The following FGF12 variants were observed in gnomAD, a reference collection of about 807,000 sequenced individuals.
FGF12 encodes fibroblast growth factor 12B.
FGF12 carries 14 observed loss-of-function variants against 23.6 expected under a neutral mutation model. That is an observed-to-expected ratio of 0.59 (90% CI 0.39 to 0.93). FGF12 has a LOEUF of 0.93. Among genes scored for constraint, FGF12 ranks in the 40% least tolerant of loss-of-function variants. FGF12 has a pLI of 0.00. For missense variants in FGF12, 175 were observed against 217.8 expected (o/e 0.80, Z 1.24); for synonymous variants, 62 against 77.3 (o/e 0.80, Z 1.04).
chr3:192,216,584 A>T (rs557692804), intron 4 of FGF12, among the ~76,000 whole-genome samples: 2 of 152,334 alleles, frequency 1.3e-5, no homozygotes, highest in South Asian at 4.1e-4. Flanking sequence ...ATAATCAGAA[A>T]CTTCTATAAA....
At chr3:192,616,557 C>A (rs1337556536) in intron 2 of FGF12, among the ~76,000 whole-genome samples, 1 of 151,736 alleles carries the variant, frequency 6.6e-6, no homozygotes, top group Admixed American at 6.6e-5. Context: ...GAGTTCTCAG[C>A]ATAAGTGCTG....
In FGF12 at chr3:192,221,365, A is replaced by G. The variant is rs150314723; in HGVS notation, c.229-50709T>C. On this transcript the variant is annotated intron_variant, in intron 4 of 5. Coordinates refer to ENST00000445105, the MANE Select transcript of FGF12 (RefSeq NM_004113.6). ...ATCTGACAGATCAGCCAATGGAAAA[A>G]TGGTAACTAGGTTAAAATGCTATGC... 3.0e-3 allele frequency among the ~76,000 whole-genome samples: 451 copies of G among 152,298 alleles called. 3 individuals are homozygous for G. Among genetic ancestry groups the G allele is most frequent in the Middle Eastern group, 0.017 (5 of 294 alleles).
chr3:192,524,010 A>G (rs756883999), intron 2 of FGF12, among the ~76,000 whole-genome samples: 22 of 152,204 alleles, frequency 1.4e-4, no homozygotes, highest in Non-Finnish European at 2.9e-5. Context: ...AAATTTTAAC[A>G]TAAGTCAACT....
chr3:192,191,508 C>G (rs1263552641), intron 4 of FGF12, among the ~76,000 whole-genome samples: 1 of 151,984 alleles, frequency 6.6e-6, no homozygotes, highest in Admixed American at 6.6e-5. Flanking sequence ...GTAACTTTTT[C>G]TCCATTTTTC....
chr3:192,408,714 T>C lies in FGF12; in HGVS notation c.14-48176A>G. The stretch of plus-strand genomic sequence containing the variant: ...GAAAACCCGTTTACAAAGCAGAGTC[T>C]GGACCCAGGCGGGTAGCGCGCCCCC... On this transcript the variant is annotated intron_variant, in intron 2 of 5. Transcript: ENST00000445105. This position sits in a 1 kb window ranked among gnomAD's most constrained non-coding sequence, Gnocchi z 7.3. 1 of 987,606 alleles carries C rather than the reference T, an allele frequency of 1.0e-6. No individual in the cohort carries two copies. Among genetic ancestry groups the C allele is most frequent in the Non-Finnish European group, 1.2e-6 (1 of 831,560 alleles). 61.2% of individuals were successfully genotyped at this position (987,606 alleles called of 1,614,324 possible).
chr3:192,410,412 C>T (rs1488597105), intron 2 of FGF12, among the ~76,000 whole-genome samples: 1 of 152,106 alleles, frequency 6.6e-6, no homozygotes, highest in African/African-American at 2.4e-5. Flanking sequence ...CCGTCCGGTC[C>T]CTCCCACAAG....
At chr3:192,652,824 C>A (rs1716262649) in intron 2 of FGF12, among the ~76,000 whole-genome samples, 1 of 152,198 alleles carries the variant, frequency 6.6e-6, no homozygotes, top group African/African-American at 2.4e-5. Context: ...GAATTACCAA[C>A]ACACTCCTGA....
intron 2 of FGF12, among the ~76,000 whole-genome samples, chr3:192,621,334 T>TTACAAAATTTTACAAAAG (rs1714967926): frequency 6.6e-6 from 1 of 152,212 alleles, no homozygotes; most frequent in Non-Finnish European, 1.5e-5. Flanking sequence ...AAAGTTACTG[T>TTACAAAATTTTACAAAAG]GTGAAATTAA....
At chr3:192,191,630 T>G (rs1716795774) in intron 4 of FGF12, among the ~76,000 whole-genome samples, 1 of 152,118 alleles carries the variant, frequency 6.6e-6, no homozygotes, top group Non-Finnish European at 1.5e-5. Context: ...GGTCAAGAGA[T>G]GGAGACCATC....
intron 2 of FGF12, among the ~76,000 whole-genome samples, chr3:192,468,592 T>C (rs1161570247): frequency 6.6e-6 from 1 of 152,238 alleles, no homozygotes; most frequent in African/African-American, 2.4e-5. Context: ...GTGTCCTTCT[T>C]AGACATCATA....
At chr3:192,707,056 C>T (rs1021136344) in intron 2 of FGF12, among the ~76,000 whole-genome samples, 3 of 152,104 alleles carry the variant, frequency 2.0e-5, no homozygotes, top group Admixed American at 6.5e-5. Context: ...CAAGAAAGGC[C>T]TTCATTACCC....
intron 2 of FGF12, among the ~76,000 whole-genome samples, chr3:192,625,012 T>C (rs1042946545): frequency 3.0e-4 from 45 of 152,138 alleles, no homozygotes; most frequent in Non-Finnish European, 1.3e-4. Flanking sequence ...AAATAGTCCA[T>C]ATAGCACATT....
At chr3:192,345,930 G>A (rs1463023419) in intron 3 of FGF12, among the ~76,000 whole-genome samples, 3 of 151,928 alleles carry the variant, frequency 2.0e-5, no homozygotes, top group South Asian at 2.1e-4. Context: ...AGCTTTGCAC[G>A]TTGTTATCAT....
intron 2 of FGF12, among the ~76,000 whole-genome samples, chr3:192,639,186 A>G (rs537695562): frequency 1.3e-5 from 2 of 152,342 alleles, no homozygotes; most frequent in South Asian, 4.1e-4. Context: ...AATGACCAAT[A>G]GGTATATAAA....
At chr3:192,365,504 C>T (rs1440438535) in intron 2 of FGF12, among the ~76,000 whole-genome samples, 1 of 151,870 alleles carries the variant, frequency 6.6e-6, no homozygotes, top group Non-Finnish European at 1.5e-5. Context: ...TTAATGTAAG[C>T]TGTTACTATG....
intron 5 of FGF12, among the ~76,000 whole-genome samples, chr3:192,167,633 A>C (rs1015129092): frequency 1.0e-4 from 15 of 149,038 alleles, no homozygotes; most frequent in Non-Finnish European, 1.9e-4. Flanking sequence ...TCCATATAGG[A>C]ATGTCCAGTT....
At position 192,573,706 on chromosome 3, in the gene FGF12, A is replaced by G. The variant is rs142042238; in HGVS notation, c.13+153475T>C. ...TCCAGAGACCCCTGACTAACATAAT[A>G]CCTATTTTACGATACTTATTAGAAA... On this transcript the variant is annotated intron_variant, in intron 2 of 5. Transcript: ENST00000445105. Among the ~76,000 whole-genome samples, 51 of 152,252 alleles carry G rather than the reference A, an allele frequency of 3.3e-4. No homozygotes were observed. The East Asian group carries it at 9.4e-3, about 28-fold the overall frequency.
In FGF12 at chr3:192,360,669, T is replaced by C. The variant is rs745506738; in HGVS notation, c.14-131A>G. The C allele has an allele frequency of 4.5e-6, 3 of 664,948 alleles. No individual in the cohort carries two copies. Among genetic ancestry groups the C allele is most frequent in the Admixed American group, 2.5e-5 (1 of 39,668 alleles). 41.2% of individuals were successfully genotyped at this position (664,948 alleles called of 1,614,324 possible). Reference sequence around the variant, plus strand: ...AAATATTGAATTATGTATTTGGGAGTTGGGTGTTTCAGTAACATATCTATG... The same window carrying C: ...AAATATTGAATTATGTATTTGGGAGCTGGGTGTTTCAGTAACATATCTATG... On this transcript the variant is annotated intron_variant, in intron 2 of 5. Coordinates refer to ENST00000445105, the MANE Select transcript of FGF12 (RefSeq NM_004113.6). The surrounding 1 kb of genome is among the most constrained non-coding windows in gnomAD (Gnocchi z 4.3).
chr3:192,383,797 A>T (rs2108755409), intron 2 of FGF12, among the ~76,000 whole-genome samples: 1 of 152,280 alleles, frequency 6.6e-6, no homozygotes, highest in East Asian at 1.9e-4. Flanking sequence ...AAACCTACAA[A>T]TTAGGTTTAG....
Sources: gnomAD v4.1 joint callset for allele counts (sites outside exome capture counted in the v4.1 genomes callset) on GRCh38, gnomAD v4.1.1 for gene constraint, Gnocchi (gnomAD v3.1) non-coding constraint, MANE v1.5 for transcripts, NCBI Gene and HGNC (gene_info 2026-07-23, HGNC 2026-07-21) for gene names.